The following CSMD1 variants were observed in gnomAD, a reference collection of about 807,000 sequenced individuals.
CSMD1 encodes CUB and sushi domain-containing protein 1.
CSMD1 carries 213 observed loss-of-function variants against 417.5 expected under a neutral mutation model. The observed-to-expected ratio is 0.51, with a 90% CI of 0.46 to 0.57. CSMD1 has a LOEUF of 0.57. Among genes scored for constraint, CSMD1 ranks in the 20% least tolerant of loss-of-function variants. CSMD1 has a pLI of 0.00. For synonymous variants in CSMD1, 2,862 were observed against 1,736.8 expected, an observed-to-expected ratio of 1.65 and a Z score of -16.11; for missense variants, 6,923 against 4,529.7, an observed-to-expected ratio of 1.53 and a Z score of -15.17.
At chr8:4,743,474 C>G (rs1444752029) in intron 1 of CSMD1, among the ~76,000 whole-genome samples, 2 of 152,166 alleles carry the variant, frequency 1.3e-5, no homozygotes, top group Admixed American at 1.3e-4. Context: ...ACGGGCCGGT[C>G]AGAAACACCG....
chr8:3,392,470 C>A (rs1420277671), intron 17 of CSMD1, among the ~76,000 whole-genome samples: 4 of 152,008 alleles, frequency 2.6e-5, no homozygotes, highest in Non-Finnish European at 4.4e-5. Context: ...CTCTTCCACG[C>A]TTTGCCACTT....
At chr8:4,391,464 A>G (rs1348425676) in intron 3 of CSMD1, among the ~76,000 whole-genome samples, 1 of 152,132 alleles carries the variant, frequency 6.6e-6, no homozygotes, top group Non-Finnish European at 1.5e-5. Flanking sequence ...ATCAGAGTAC[A>G]TATGAACATA....
intron 1 of CSMD1, among the ~76,000 whole-genome samples, chr8:4,980,888 A>C (rs954856642): frequency 1.3e-5 from 2 of 151,478 alleles, no homozygotes; most frequent in African/African-American, 4.9e-5. Flanking sequence ...TGGGTGACAA[A>C]GTGAGACTGT....
chr8:4,961,771 C>G (rs1809505098), intron 1 of CSMD1, among the ~76,000 whole-genome samples: 1 of 151,942 alleles, frequency 6.6e-6, no homozygotes, highest in African/African-American at 2.4e-5. Context: ...AATTTCTGTC[C>G]ATTTCTGAGA....
chr8:4,348,258 G>T (rs1222304517), intron 3 of CSMD1, among the ~76,000 whole-genome samples: 2 of 152,082 alleles, frequency 1.3e-5, no homozygotes, highest in East Asian at 1.9e-4. Flanking sequence ...ATCTCTTCAT[G>T]TCTAAGGGGA....
chr8:3,499,726 T>A (rs746348805), intron 10 of CSMD1, among the ~76,000 whole-genome samples: 14 of 151,992 alleles, frequency 9.2e-5, no homozygotes, highest in Non-Finnish European at 1.5e-4. Flanking sequence ...GGGTTCAGGT[T>A]TGTGTCACTG....
intron 51 of CSMD1, among the ~76,000 whole-genome samples, chr8:3,024,767 T>G (rs1430256550): frequency 6.6e-6 from 1 of 152,210 alleles, no homozygotes; most frequent in Non-Finnish European, 1.5e-5. Flanking sequence ...AACTCAATAT[T>G]TGTCCCAAGT....
intron 3 of CSMD1, among the ~76,000 whole-genome samples, chr8:4,195,311 G>A (rs1487377596): frequency 1.3e-5 from 2 of 152,122 alleles, no homozygotes; most frequent in Non-Finnish European, 2.9e-5. Context: ...TTAATAGGCA[G>A]AAAAGGCAAA....
chr8:4,955,416 G>C (rs1224121529), intron 1 of CSMD1, among the ~76,000 whole-genome samples: 1 of 150,632 alleles, frequency 6.6e-6, no homozygotes, highest in Non-Finnish European at 1.5e-5. Flanking sequence ...TACTGTGTCT[G>C]TTTGGTGGAT....
chr8:3,667,169 A>T (rs1465026249), intron 7 of CSMD1, among the ~76,000 whole-genome samples: 3 of 152,198 alleles, frequency 2.0e-5, no homozygotes, highest in African/African-American at 7.2e-5. Context: ...TGGAGCTCAC[A>T]TTCTAATGAT....
At chr8:4,253,317 CT>C (rs1377902053) in intron 3 of CSMD1, among the ~76,000 whole-genome samples, 1 of 152,144 alleles carries the variant, frequency 6.6e-6, no homozygotes, top group Non-Finnish European at 1.5e-5. Context: ...TGTTTTGTCT[CT>C]TTTTTCCCCT....
In CSMD1 at chr8:4,522,459, G is replaced by C. The variant is rs139077107; in HGVS notation, c.303-102394C>G. Among the ~76,000 whole-genome samples, 18 of 152,228 alleles carry C rather than the reference G, an allele frequency of 1.2e-4. No homozygotes were observed. The East Asian group carries it at 3.3e-3, about 28-fold the overall frequency. On this transcript the variant is annotated intron_variant, in intron 2 of 69. Coordinates refer to ENST00000635120, the MANE Select transcript of CSMD1 (RefSeq NM_033225.6). ...TCTCACCCACAATCAGATGAGCAAG[G>C]AAATTACAGAACAAAATGGCAAGAC...
intron 2 of CSMD1, among the ~76,000 whole-genome samples, chr8:4,452,820 A>G (rs972663023): frequency 1.3e-5 from 2 of 152,156 alleles, no homozygotes; most frequent in Admixed American, 6.5e-5. Context: ...CCAGTCCTCA[A>G]TATCAGGTGA....
At chr8:3,398,930 T>C (rs540807634) in intron 16 of CSMD1, among the ~76,000 whole-genome samples, 32 of 152,336 alleles carry the variant, frequency 2.1e-4, no homozygotes, top group South Asian at 1.2e-3. Flanking sequence ...TAGTTGGTGA[T>C]TGATCTGCTG....
chr8:4,488,134 G>C (rs931073615), intron 2 of CSMD1, among the ~76,000 whole-genome samples: 2 of 152,146 alleles, frequency 1.3e-5, no homozygotes, highest in South Asian at 4.1e-4. Context: ...CCCAGACATC[G>C]AATTTGCTGG....
chr8:3,557,687 T>G (rs371619167), intron 10 of CSMD1, among the ~76,000 whole-genome samples: 3 of 152,130 alleles, frequency 2.0e-5, no homozygotes, highest in African/African-American at 7.2e-5. Context: ...CATTTTACAA[T>G]TCTCTCCACA....
intron 41 of CSMD1, among the ~76,000 whole-genome samples, chr8:3,133,783 C>G (rs756271087): frequency 1.3e-5 from 2 of 152,228 alleles, no homozygotes; most frequent in African/African-American, 4.8e-5. Flanking sequence ...CTGCTCATGA[C>G]ACTCACTGCC....
intron 3 of CSMD1, among the ~76,000 whole-genome samples, chr8:4,337,919 T>C (rs929236846): frequency 6.6e-6 from 1 of 152,130 alleles, no homozygotes; most frequent in African/African-American, 2.4e-5. Flanking sequence ...ACTGAACAAA[T>C]CGTTTATCAT....
intron 3 of CSMD1, among the ~76,000 whole-genome samples, chr8:4,262,996 C>G (rs1001955620): frequency 6.6e-6 from 1 of 152,176 alleles, no homozygotes; most frequent in African/African-American, 2.4e-5. Flanking sequence ...GCCTTTAGCT[C>G]AGTCACTAAT....
Sources: gnomAD v4.1 joint callset for allele counts (sites outside exome capture counted in the v4.1 genomes callset) on GRCh38, gnomAD v4.1.1 for gene constraint, MANE v1.5 for transcripts, NCBI Gene and HGNC (gene_info 2026-07-23, HGNC 2026-07-21) for gene names.